CSRNP3: variants seen among roughly 807,000 people sequenced by gnomAD.
The protein encoded by CSRNP3 is cysteine and serine rich nuclear protein 3, also known as cysteine/serine-rich nuclear protein 3.
Under a neutral mutation model 48.0 loss-of-function variants are expected in CSRNP3, and 12 were observed. The ratio of observed to expected loss-of-function variants is 0.25; its 90% CI spans 0.16 to 0.41. The LOEUF is 0.41. Among genes scored for constraint, CSRNP3 ranks in the 10% least tolerant of loss-of-function variants. CSRNP3 has a pLI of 1.00. For synonymous variants in CSRNP3, 263 were observed against 269.7 expected, an observed-to-expected ratio of 0.98 and a Z score of 0.24; for missense variants, 580 against 724.4, an observed-to-expected ratio of 0.80 and a Z score of 2.29.
chr2:165,619,653 C>A (rs1686308141), intron 4 of CSRNP3, among the ~76,000 whole-genome samples: 1 of 152,128 alleles, frequency 6.6e-6, no homozygotes, highest in Admixed American at 6.5e-5. Flanking sequence ...GGCTCAAATT[C>A]TTGCCTGATA....
intron 2 of CSRNP3, among the ~76,000 whole-genome samples, chr2:165,496,880 GGAC>G (rs1574804653): frequency 6.6e-6 from 1 of 151,882 alleles, no homozygotes; most frequent in East Asian, 1.9e-4. Flanking sequence ...ATCAATTGCA[GGAC>G]TTCTCTATGC....
At chr2:165,570,320 A>G (rs1685352107) in intron 3 of CSRNP3, among the ~76,000 whole-genome samples, 1 of 151,944 alleles carries the variant, frequency 6.6e-6, no homozygotes, top group Non-Finnish European at 1.5e-5. Context: ...AAAACCATAC[A>G]CTATAGACTT....
rs573084566 is a variant in CSRNP3 at position 165,689,253 on chromosome 2, A to G, written c.*9500A>G. The G allele has an allele frequency of 6.6e-6, 1 of 151,924 alleles. No homozygotes were observed. Among genetic ancestry groups the G allele is most frequent in the Non-Finnish European group, 1.5e-5 (1 of 68,008 alleles). The allele number at this position is 151,924 out of a possible 1,614,324, so 9.4% of individuals were successfully genotyped here. A position where few individuals can be genotyped will look rare whatever the true frequency, so the allele number is the denominator to read the frequency against. On this transcript the variant is annotated 3_prime_UTR_variant, in exon 7 of 7. Coordinates refer to ENST00000651982, the MANE Select transcript of CSRNP3 (RefSeq NM_001172173.2). ...TGTATTTATTGTGGCTTTTTATTGC[A>G]GTGTGTATATATATATAACAAATAA...
At chr2:165,667,042 G>GGAAGGAAGGAAAGAGAGGAAGAA (rs1687239757) in intron 5 of CSRNP3, among the ~76,000 whole-genome samples, 2 of 112,542 alleles carry the variant, frequency 1.8e-5, no homozygotes, top group African/African-American at 6.4e-5. Context: ...AAGAAAGAAA[G>GGAAGGAAGGAAAGAGAGGAAGAA]AGAGAGAGAA....
intron 4 of CSRNP3, among the ~76,000 whole-genome samples, chr2:165,599,793 A>C (rs1343827249): frequency 7.2e-6 from 1 of 139,094 alleles, no homozygotes. Flanking sequence ...ATAAACTTTC[A>C]GAAATATTAT....
At chr2:165,491,980 C>T (rs1026508660) in intron 1 of CSRNP3, among the ~76,000 whole-genome samples, 6 of 145,458 alleles carry the variant, frequency 4.1e-5, no homozygotes, top group Non-Finnish European at 9.1e-5. Context: ...AAGCTAGAAA[C>T]CAGAGATGGT....
intron 6 of CSRNP3, 128 bp downstream of exon 6, chr2:165,676,736 T>A: frequency 1.5e-6 from 1 of 679,726 alleles, no homozygotes; most frequent in Non-Finnish European, 2.5e-6. Flanking sequence ...GCAAGACATG[T>A]AATTCAGGAA....
chr2:165,492,101 G>T (rs1489374613), intron 1 of CSRNP3, among the ~76,000 whole-genome samples: 1 of 151,872 alleles, frequency 6.6e-6, no homozygotes, highest in African/African-American at 2.4e-5. Flanking sequence ...AGGAACTATT[G>T]ACCTCTTCAG....
intron 3 of CSRNP3, among the ~76,000 whole-genome samples, chr2:165,553,694 A>G (rs564937416): frequency 6.6e-6 from 1 of 152,134 alleles, no homozygotes; most frequent in East Asian, 1.9e-4. Flanking sequence ...CAAAATTTCT[A>G]CCTTCCATTT....
intron 4 of CSRNP3, among the ~76,000 whole-genome samples, chr2:165,641,512 G>A (rs1023967053): frequency 6.6e-6 from 1 of 152,180 alleles, no homozygotes; most frequent in Non-Finnish European, 1.5e-5. Flanking sequence ...AAGGTCAGGA[G>A]TCTGGGAACC....
intron 3 of CSRNP3, among the ~76,000 whole-genome samples, chr2:165,549,278 T>C (rs1685069051): frequency 6.6e-6 from 1 of 152,118 alleles, no homozygotes; most frequent in Non-Finnish European, 1.5e-5. Context: ...ATAGTTGTCA[T>C]GTTTTCTAGT....
intron 5 of CSRNP3, among the ~76,000 whole-genome samples, chr2:165,672,418 G>A (rs988616013): frequency 6.6e-6 from 1 of 152,194 alleles, no homozygotes; most frequent in African/African-American, 2.4e-5. Flanking sequence ...ATGGCAGCAG[G>A]TGAATAGGGA....
At chr2:165,607,083 T>C (rs529424066) in intron 4 of CSRNP3, among the ~76,000 whole-genome samples, 1 of 152,300 alleles carries the variant, frequency 6.6e-6, no homozygotes, top group Admixed American at 6.5e-5. Context: ...AGTTTTTAAA[T>C]ATGTTTTATA....
chr2:165,653,554 G>A (rs566599832), intron 4 of CSRNP3, among the ~76,000 whole-genome samples: 70 of 152,280 alleles, frequency 4.6e-4, no homozygotes, highest in African/African-American at 1.2e-3. Flanking sequence ...AAAGCATGAT[G>A]CAATAGATTC....
At chr2:165,480,995 A>C (rs1225076575) in intron 1 of CSRNP3, among the ~76,000 whole-genome samples, 11 of 151,254 alleles carry the variant, frequency 7.3e-5, no homozygotes, top group Admixed American at 7.3e-4. Context: ...TAAAAATATG[A>C]AAAAAAATTA....
chr2:165,679,399 G>C lies in CSRNP3; in HGVS notation c.1404G>C (p.Val468=). 6.2e-7 allele frequency: 1 copy of C among 1,613,146 alleles called. No homozygotes were observed. Among genetic ancestry groups the C allele is most frequent in the Non-Finnish European group, 8.5e-7 (1 of 1,179,562 alleles). ...TCAAAAATGGTACCCTTTCGCTGGT[G>C]CCTTACACCATGACCCCGGAGCAAT... ...DTVKNGTLSL[V]PYTMTPEQFV... The change falls in exon 7 of 7, where the codon GTG becomes GTC. Residue 468 remains valine, a synonymous_variant. Transcript: ENST00000651982.
Position 165,679,647 on chromosome 2 carries a change from G to C in CSRNP3, c.1652G>C (p.Ser551Thr). ...EGFVSALNGDSHISEHPAENS... is the reference protein window; with the variant it reads ...EGFVSALNGDTHISEHPAENS... ...TTTGTCTCTGCATTGAATGGTGACA[G>C]TCACATTTCAGAGCATCCTGCTGAA... is the stretch of plus-strand genomic sequence containing the variant. The change falls in exon 7 of 7, where the codon AGT becomes ACT. Residue 551 changes from serine (S) to threonine (T), a missense_variant. Transcript: ENST00000651982. The C allele has an allele frequency of 6.2e-7, 1 of 1,614,158 alleles. No homozygotes were observed. The highest frequency in any genetic ancestry group is 2.2e-5 in the East Asian group (1 of 44,860).
chr2:165,602,114 T>G (rs1040307487), intron 4 of CSRNP3, among the ~76,000 whole-genome samples: 5 of 152,184 alleles, frequency 3.3e-5, no homozygotes, highest in African/African-American at 9.6e-5. Context: ...GACTCAATGC[T>G]TTTGTAAACA....
At chr2:165,617,861 G>A (rs1686276663) in intron 4 of CSRNP3, among the ~76,000 whole-genome samples, 1 of 152,208 alleles carries the variant, frequency 6.6e-6, no homozygotes, top group Admixed American at 6.5e-5. Context: ...CTTGGGTGCT[G>A]GAGATGCAGC....
Sources: allele counts gnomAD v4.1 joint callset (sites outside exome capture counted in the v4.1 genomes callset), GRCh38; gene constraint gnomAD v4.1.1; transcripts MANE v1.5; gene names NCBI Gene and HGNC (gene_info 2026-07-23, HGNC 2026-07-21).